Variants in CDH18 observed in about 807,000 individuals in gnomAD.
CDH18 encodes cadherin-18.
Under a neutral mutation model 67.9 loss-of-function variants are expected in CDH18, and 31 were observed. The observed-to-expected ratio is 0.46, with a 90% CI of 0.34 to 0.62. CDH18 has a LOEUF of 0.62. CDH18 is among the 20% of genes least tolerant of loss of function. The pLI, the probability that CDH18 is intolerant of heterozygous loss-of-function variation, is 0.01. For missense variants in CDH18, 890 were observed against 975.5 expected (o/e 0.91, Z 1.17); for synonymous variants, 362 against 347.2 (o/e 1.04, Z -0.48).
At chr5:20,091,471 T>C (rs1745416603) in intron 2 of CDH18, among the ~76,000 whole-genome samples, 1 of 151,916 alleles carries the variant, frequency 6.6e-6, no homozygotes, top group African/African-American at 2.4e-5. Context: ...TAATTGGCAC[T>C]CCAGCCTGGG....
chr5:20,454,971 T>C (rs1216502410), intron 1 of CDH18, among the ~76,000 whole-genome samples: 1 of 152,016 alleles, frequency 6.6e-6, no homozygotes, highest in African/African-American at 2.4e-5. Flanking sequence ...CAGAGCTATG[T>C]ATTCTTGGAA....
At chr5:19,593,365 A>C (rs1054727819) in intron 6 of CDH18, among the ~76,000 whole-genome samples, 2 of 152,072 alleles carry the variant, frequency 1.3e-5, no homozygotes, top group African/African-American at 4.8e-5. Flanking sequence ...CCATCCTGAG[A>C]GGTATGAGGT....
At chr5:19,537,671 C>G (rs1002781495) in intron 9 of CDH18, among the ~76,000 whole-genome samples, 3 of 152,092 alleles carry the variant, frequency 2.0e-5, no homozygotes, top group Non-Finnish European at 2.9e-5. Context: ...GTTTTGTAGC[C>G]CCTAAAAAAT....
At chr5:19,676,370 A>T (rs1373549737) in intron 5 of CDH18, among the ~76,000 whole-genome samples, 1 of 151,982 alleles carries the variant, frequency 6.6e-6, no homozygotes. Flanking sequence ...ATATAAGATG[A>T]CTGTTCCTAT....
At chr5:20,345,543 A>G (rs781485482) in intron 1 of CDH18, among the ~76,000 whole-genome samples, 89 of 152,186 alleles carry the variant, frequency 5.8e-4, no homozygotes, top group Non-Finnish European at 9.7e-4. Flanking sequence ...AACCATATGC[A>G]ACTTTCTTAG....
chr5:20,182,856 C>G (rs1263356813), intron 2 of CDH18, among the ~76,000 whole-genome samples: 1 of 151,868 alleles, frequency 6.6e-6, no homozygotes, highest in Non-Finnish European at 1.5e-5. Flanking sequence ...TGTACATTAA[C>G]CAGTCTTAAG....
chr5:20,487,278 A>G (rs1190090131), intron 1 of CDH18, among the ~76,000 whole-genome samples: 4 of 151,862 alleles, frequency 2.6e-5, no homozygotes. Context: ...TCCTATGCTG[A>G]ATCCCCACTC....
At chr5:19,875,395 T>TATAGATAGATAGATAGATAG (rs56837232) in intron 2 of CDH18, among the ~76,000 whole-genome samples, 3 of 147,638 alleles carry the variant, frequency 2.0e-5, no homozygotes, top group Non-Finnish European at 3.0e-5. Context: ...CTTCCATGGG[T>TATAGATAGATAGATAGATAG]ATAGATAGAT....
intron 2 of CDH18, among the ~76,000 whole-genome samples, chr5:19,850,146 G>C (rs1783527042): frequency 6.6e-6 from 1 of 151,730 alleles, no homozygotes; most frequent in Admixed American, 6.6e-5. Context: ...TGAAGTGAAA[G>C]AAGATAAAAG....
intron 2 of CDH18, among the ~76,000 whole-genome samples, chr5:19,906,769 A>G (rs1195543860): frequency 6.6e-6 from 1 of 151,982 alleles, no homozygotes; most frequent in African/African-American, 2.4e-5. Context: ...GTCAATTATT[A>G]AAGACTAATA....
chr5:19,582,484 C>T (rs888091456), intron 7 of CDH18, among the ~76,000 whole-genome samples: 13 of 151,938 alleles, frequency 8.6e-5, no homozygotes, highest in African/African-American at 3.1e-4. Context: ...TACCCAATAG[C>T]GTTTCCGTGT....
At position 20,152,676 on chromosome 5, in the gene CDH18, T is replaced by C. The variant is rs111687429; in HGVS notation, c.-518+102768A>G. Among the ~76,000 whole-genome samples the C allele has an allele frequency of 3.3e-3, 505 of 152,188 alleles. 5 individuals carry two copies. Among genetic ancestry groups the C allele is most frequent in the African/African-American group, 0.012 (482 of 41,550 alleles). Reference sequence around the variant, plus strand: ...AATTCTTATTAAATTAAATTAAATGTAAAATTGTACTTAATAAATACAAGA... The same window carrying C: ...AATTCTTATTAAATTAAATTAAATGCAAAATTGTACTTAATAAATACAAGA... On this transcript the variant is annotated intron_variant, in intron 2 of 14. Coordinates refer to the CDH18 transcript ENST00000507958.
intron 8 of CDH18, among the ~76,000 whole-genome samples, chr5:19,566,899 CATAAAATAGAATAAG>C (rs1370442597): frequency 6.6e-6 from 1 of 152,062 alleles, no homozygotes; most frequent in Non-Finnish European, 1.5e-5. Context: ...GTAATTCAGC[CATAAAATAGAATAAG>C]ATTCTATCAT....
At chr5:19,555,258 G>A (rs1738181176) in intron 8 of CDH18, among the ~76,000 whole-genome samples, 1 of 152,166 alleles carries the variant, frequency 6.6e-6, no homozygotes, top group South Asian at 2.1e-4. Context: ...TACCAGGAAA[G>A]CCAAGAGAAT....
intron 1 of CDH18, among the ~76,000 whole-genome samples, chr5:20,402,064 C>T (rs937370392): frequency 4.6e-5 from 7 of 152,026 alleles, no homozygotes; most frequent in African/African-American, 1.7e-4. Context: ...CTAGAATGTA[C>T]CAAGCCTTAC....
At chr5:19,491,862 T>A (rs774571369) in intron 11 of CDH18, among the ~76,000 whole-genome samples, 2 of 152,078 alleles carry the variant, frequency 1.3e-5, no homozygotes, top group Middle Eastern at 3.4e-3. Flanking sequence ...ACCAACAAAG[T>A]AATAATGACA....
chr5:20,484,132 TTTCTCAA>T (rs1753005974), intron 1 of CDH18, among the ~76,000 whole-genome samples: 2 of 151,988 alleles, frequency 1.3e-5, no homozygotes, highest in African/African-American at 4.8e-5. Flanking sequence ...TGAATAGAAA[TTTCTCAA>T]AAGAAGACCT....
rs141256483 is a variant in CDH18, at chr5:19,762,434, T to G, written c.229-15198A>C. ...CAACCCCATCAAAAAGTGGGCAAAG[T>G]GTATGAACAGACACTTCAAAAGAAG... On this transcript the variant is annotated intron_variant, in intron 3 of 12. Coordinates refer to ENST00000382275, the MANE Select transcript of CDH18 (RefSeq NM_004934.5). Among the ~76,000 whole-genome samples the G allele has an allele frequency of 6.7e-3, 1,022 of 152,106 alleles. 10 individuals are homozygous for G. Among genetic ancestry groups the G allele is most frequent in the Admixed American group, 0.012 (181 of 15,282 alleles).
intron 1 of CDH18, among the ~76,000 whole-genome samples, chr5:20,298,395 G>A (rs1023953703): frequency 2.0e-5 from 3 of 152,050 alleles, no homozygotes; most frequent in South Asian, 2.1e-4. Flanking sequence ...AATCGAGACC[G>A]GTAAAGGAAT....
Sources: allele counts gnomAD v4.1 joint callset (sites outside exome capture counted in the v4.1 genomes callset), GRCh38; gene constraint gnomAD v4.1.1; transcripts MANE v1.5; gene names NCBI Gene and HGNC (gene_info 2026-07-23, HGNC 2026-07-21).